The following OSTF1 variants were observed in gnomAD, a reference collection of about 807,000 sequenced individuals.
OSTF1 encodes osteoclast stimulating factor 1, also known as osteoclast-stimulating factor 1.
In OSTF1, 27 loss-of-function variants were observed where a neutral mutation model predicts 37.2. The observed-to-expected ratio is 0.73, with a 90% CI of 0.54 to 1.00. The LOEUF is 1.00. OSTF1 is among the 50% of genes least tolerant of loss of function. The probability of loss-of-function intolerance (pLI) is 0.00; values close to 1 mark genes in which losing one functional copy is unlikely to be tolerated. For synonymous variants in OSTF1, 82 were observed against 89.2 expected, an observed-to-expected ratio of 0.92 and a Z score of 0.46; for missense variants, 232 against 253.8, an observed-to-expected ratio of 0.91 and a Z score of 0.58.
intron 1 of OSTF1, among the ~76,000 whole-genome samples, chr9:75,093,038 CTT>C (rs1825006356): frequency 7.0e-6 from 1 of 143,634 alleles, no homozygotes; most frequent in African/African-American, 2.7e-5. Flanking sequence ...TTCTTTCTTT[CTT>C]TCTCTCTCTC....
At chr9:75,105,494 G>A (rs1166303292) in intron 1 of OSTF1, among the ~76,000 whole-genome samples, 1 of 152,128 alleles carries the variant, frequency 6.6e-6, no homozygotes, top group Admixed American at 6.5e-5. Flanking sequence ...CATGTATCTT[G>A]AAATACTATT....
chr9:75,145,989 A>T, intron 9 of OSTF1, among the ~76,000 whole-genome samples: 1 of 152,194 alleles, frequency 6.6e-6, no homozygotes, highest in East Asian at 1.9e-4. Context: ...GTGCTGTGAC[A>T]TATATTTATT....
intron 1 of OSTF1, among the ~76,000 whole-genome samples, chr9:75,111,630 A>C (rs1313335167): frequency 6.6e-6 from 1 of 152,036 alleles, no homozygotes; most frequent in Non-Finnish European, 1.5e-5. Flanking sequence ...CAGGTTATTT[A>C]TATAGTCTTC....
chr9:75,103,721 C>T (rs1399935574), intron 1 of OSTF1, among the ~76,000 whole-genome samples: 6 of 152,196 alleles, frequency 3.9e-5, no homozygotes, highest in Non-Finnish European at 7.4e-5. Context: ...GCAGCTTCCA[C>T]TGCCTGGGTT....
chr9:75,120,288 G>C (rs1326441296), intron 2 of OSTF1, among the ~76,000 whole-genome samples: 1 of 152,142 alleles, frequency 6.6e-6, no homozygotes, highest in Non-Finnish European at 1.5e-5. Context: ...CCCATAACAG[G>C]GAAGTGTGAG....
intron 8 of OSTF1, 24 bp from the exon 9 acceptor site, chr9:75,140,810 A>C (rs1480968643): frequency 6.4e-7 from 1 of 1,571,266 alleles, no homozygotes; most frequent in South Asian, 1.1e-5. Context: ...AAGACACCTA[A>C]TTGACTTTTC....
chr9:75,110,818 C>T (rs1825373598), intron 1 of OSTF1, among the ~76,000 whole-genome samples: 1 of 151,940 alleles, frequency 6.6e-6, no homozygotes, highest in Admixed American at 6.6e-5. Context: ...TCAAGTAGTC[C>T]TCCCACTTCA....
intron 9 of OSTF1, among the ~76,000 whole-genome samples, chr9:75,145,635 G>T (rs775798770): frequency 1.3e-5 from 2 of 152,194 alleles, no homozygotes; most frequent in Non-Finnish European, 2.9e-5. Context: ...CAGGATAAAT[G>T]CTTGATTTTT....
chr9:75,127,806 T>C (rs1825684735), intron 3 of OSTF1, among the ~76,000 whole-genome samples, 187 bp downstream of exon 3: 1 of 151,856 alleles, frequency 6.6e-6, no homozygotes, highest in South Asian at 2.1e-4. Context: ...AAGAGTTGAA[T>C]AAGCTTTGGT....
chr9:75,129,029 A>T (rs945927538), intron 3 of OSTF1, among the ~76,000 whole-genome samples: 3 of 152,142 alleles, frequency 2.0e-5, no homozygotes, highest in African/African-American at 7.2e-5. Context: ...GGTACAAGAT[A>T]AACCCAGAAC....
chr9:75,098,700 C>T lies in OSTF1; in HGVS notation c.34+9974C>T, dbSNP rs137963950. Among the ~76,000 whole-genome samples the T allele has an allele frequency of 5.7e-3, 870 of 152,280 alleles. 3 individuals are homozygous for T. The highest frequency in any genetic ancestry group is 8.5e-3 in the Non-Finnish European group (576 of 68,026). ...TGTGCAAAATATCATTCAGGATCCT[C>T]TTGTCTCCTCTCATGCTATTTTTCC... On this transcript the variant is annotated intron_variant, in intron 1 of 9. Coordinates refer to ENST00000346234, the MANE Select transcript of OSTF1 (RefSeq NM_012383.5).
intron 4 of OSTF1, among the ~76,000 whole-genome samples, chr9:75,131,187 C>G (rs914843467): frequency 6.6e-6 from 1 of 152,190 alleles, no homozygotes; most frequent in Non-Finnish European, 1.5e-5. Flanking sequence ...AAACAAGGCT[C>G]CTGAGTTTTA....
chr9:75,105,589 G>A (rs1309391883), intron 1 of OSTF1, among the ~76,000 whole-genome samples: 2 of 152,024 alleles, frequency 1.3e-5, no homozygotes, highest in East Asian at 1.9e-4. Context: ...CTTCATGGAC[G>A]AGCCTTTGGA....
At chr9:75,121,124 G>A (rs1825574691) in intron 2 of OSTF1, among the ~76,000 whole-genome samples, 1 of 152,160 alleles carries the variant, frequency 6.6e-6, no homozygotes, top group Non-Finnish European at 1.5e-5. Flanking sequence ...GAACCTCTCT[G>A]TCACAGTGTT....
intron 1 of OSTF1, among the ~76,000 whole-genome samples, chr9:75,101,808 A>T (rs1338538881): frequency 1.3e-5 from 2 of 152,048 alleles, no homozygotes; most frequent in Non-Finnish European, 2.9e-5. Flanking sequence ...GTCTCTAGTG[A>T]TTCCCATTTT....
rs142627903 is a variant in OSTF1 at position 75,101,038 on chromosome 9, A to G, written c.34+12312A>G. Among the ~76,000 whole-genome samples, 680 of 152,002 alleles carry G rather than the reference A, an allele frequency of 4.5e-3. 3 individuals carry two copies. Among genetic ancestry groups the G allele is most frequent in the African/African-American group, 0.016 (651 of 41,422 alleles). On this transcript the variant is annotated intron_variant, in intron 1 of 9. Transcript: ENST00000346234. ...GAGCTGGCTTGGAAAATACCTTGAC[A>G]TTTCTTAGGGTTAAAATTCTCCCCT...
At chr9:75,144,590 C>T (rs931162380) in intron 9 of OSTF1, among the ~76,000 whole-genome samples, 1 of 152,156 alleles carries the variant, frequency 6.6e-6, no homozygotes, top group Non-Finnish European at 1.5e-5. Flanking sequence ...TTCCTTCTCT[C>T]TCTTGCAAGA....
At chr9:75,125,116 C>CTTCA (rs1476847808) in intron 2 of OSTF1, among the ~76,000 whole-genome samples, 1 of 152,150 alleles carries the variant, frequency 6.6e-6, no homozygotes, top group Non-Finnish European at 1.5e-5. Context: ...CTTCTTCTTC[C>CTTCA]TTCATTCTCC....
chr9:75,088,828 G>A, intron 1 of OSTF1, 102 bp downstream of exon 1: 1 of 1,189,400 alleles, frequency 8.4e-7, no homozygotes, highest in South Asian at 1.3e-5. Flanking sequence ...ACCCGGCCCC[G>A]AGCCTGGCTT....
Sources: gnomAD v4.1 joint callset for allele counts (sites outside exome capture counted in the v4.1 genomes callset) on GRCh38, gnomAD v4.1.1 for gene constraint, MANE v1.5 for transcripts, NCBI Gene and HGNC (gene_info 2026-07-23, HGNC 2026-07-21) for gene names.